TRAF3: variants seen among roughly 807,000 people sequenced by gnomAD.
TRAF3 encodes the protein TNF receptor-associated factor 3.
Under a neutral mutation model 62.3 loss-of-function variants are expected in TRAF3, and 13 were observed. The observed-to-expected ratio is 0.21, with a 90% confidence interval of 0.14 to 0.33. The LOEUF (loss-of-function observed/expected upper bound fraction) is 0.33, where lower values mean the gene tolerates loss of function less well. TRAF3 is among the 10% of genes least tolerant of loss of function. The pLI is 1.00. For missense variants in TRAF3, 440 were observed against 741.8 expected, an observed-to-expected ratio of 0.59 and a Z score of 4.73; for synonymous variants, 269 against 283.4, an observed-to-expected ratio of 0.95 and a Z score of 0.51.
At chr14:102,863,305 T>C (rs1287967308) in intron 2 of TRAF3, among the ~76,000 whole-genome samples, 1 of 152,258 alleles carries the variant, frequency 6.6e-6, no homozygotes, top group Non-Finnish European at 1.5e-5. Context: ...GTATAGTTAC[T>C]TTTCTGAGCT....
intron 1 of TRAF3, among the ~76,000 whole-genome samples, chr14:102,781,938 T>TAC (rs777647629): frequency 8.6e-5 from 13 of 151,520 alleles, no homozygotes; most frequent in Non-Finnish European, 1.8e-4. Flanking sequence ...GGACCACAGG[T>TAC]GTGTGCCAAC....
intron 2 of TRAF3, among the ~76,000 whole-genome samples, chr14:102,843,345 A>G (rs1032897486): frequency 3.9e-5 from 6 of 152,000 alleles, no homozygotes; most frequent in Non-Finnish European, 8.8e-5. Flanking sequence ...TTTTATTTAT[A>G]TATATTTTGG....
At position 102,826,465 on chromosome 14, in the gene TRAF3, G is replaced by A. The variant is rs1254211940; in HGVS notation, c.-156-3869G>A. ...GCATGGGAGCTGCTGGAGGTCGGGG[G>A]AGCTCAGGGAAAGGGCCTTGCTGCC... On this transcript the variant is annotated intron_variant, in intron 1 of 11. Transcript: ENST00000392745. This position sits in a 1 kb window ranked among gnomAD's most constrained non-coding sequence, Gnocchi z 4.6. 2.6e-5 allele frequency among the ~76,000 whole-genome samples: 4 copies of A among 152,200 alleles called. No homozygotes were observed. Among genetic ancestry groups the A allele is most frequent in the Non-Finnish European group, 5.9e-5 (4 of 68,034 alleles).
chr14:102,880,491 T>C (rs7143563), intron 6 of TRAF3, among the ~76,000 whole-genome samples: 64,489 of 152,126 alleles, frequency 0.42, 18,833 homozygotes, highest in African/African-American at 0.83. Context: ...GAAAAAGGAA[T>C]GCTTTTACAC....
At chr14:102,810,670 A>G (rs1462304926) in intron 1 of TRAF3, 1 of 152,196 alleles carries the variant, frequency 6.6e-6, no homozygotes, top group African/African-American at 2.4e-5. Context: ...TCAGCAGCTG[A>G]CATCTGTGAA....
At chr14:102,786,260 C>T (rs1478058661) in intron 1 of TRAF3, among the ~76,000 whole-genome samples, 4 of 152,210 alleles carry the variant, frequency 2.6e-5, no homozygotes, top group Non-Finnish European at 5.9e-5. Flanking sequence ...AATTCTCCCT[C>T]TGGAGATGGA....
At chr14:102,788,879 G>C (rs1029819415) in intron 1 of TRAF3, among the ~76,000 whole-genome samples, 1 of 152,192 alleles carries the variant, frequency 6.6e-6, no homozygotes, top group South Asian at 2.1e-4. Flanking sequence ...GCTGAGGCAG[G>C]AGGATCGCTT....
chr14:102,890,810 A>G (rs1889666458), intron 8 of TRAF3, among the ~76,000 whole-genome samples: 1 of 152,234 alleles, frequency 6.6e-6, no homozygotes, highest in Non-Finnish European at 1.5e-5. Context: ...AGAGCAATAC[A>G]TCTTTGGATA....
chr14:102,785,615 C>T (rs1897458828), intron 1 of TRAF3, among the ~76,000 whole-genome samples: 1 of 152,128 alleles, frequency 6.6e-6, no homozygotes, highest in Non-Finnish European at 1.5e-5. Context: ...CTGCAGATTG[C>T]CTGTGGAAAT....
intron 1 of TRAF3, among the ~76,000 whole-genome samples, chr14:102,818,751 G>T (rs1389975388): frequency 2.0e-5 from 3 of 152,056 alleles, no homozygotes; most frequent in Non-Finnish European, 4.4e-5. Context: ...ATGCCCTCCA[G>T]GCTCTTCTGT....
At chr14:102,880,472 G>A (rs1386310430) in intron 6 of TRAF3, among the ~76,000 whole-genome samples, 1 of 152,230 alleles carries the variant, frequency 6.6e-6, no homozygotes, top group Non-Finnish European at 1.5e-5. Context: ...ATGCTGGCAA[G>A]GTTGCAGAGA....
chr14:102,840,449 C>T (rs539022994), intron 2 of TRAF3, among the ~76,000 whole-genome samples: 1 of 151,928 alleles, frequency 6.6e-6, no homozygotes, highest in South Asian at 2.1e-4. Flanking sequence ...CCATACTGAT[C>T]TCAAACTCTG....
chr14:102,873,591 GAA>G (rs1420586954), intron 4 of TRAF3, among the ~76,000 whole-genome samples: 1 of 152,216 alleles, frequency 6.6e-6, no homozygotes, highest in Non-Finnish European at 1.5e-5. Flanking sequence ...CTCATGGAGA[GAA>G]TGGAGCTGTC....
chr14:102,851,079 T>A (rs1490123421), intron 2 of TRAF3, among the ~76,000 whole-genome samples: 4 of 152,198 alleles, frequency 2.6e-5, no homozygotes, highest in African/African-American at 9.6e-5. Context: ...TGCCAAACAT[T>A]AATTGGCAAG....
Position 102,826,749 on chromosome 14 carries a change from G to A in TRAF3, c.-156-3585G>A, listed in dbSNP as rs1319467557. Reference sequence around the variant, plus strand: ...AGGGTCCGGCTGGGCTCTGGACATAGGGTGGAAGAAAACCATCTGAGCAGA... The same window carrying A: ...AGGGTCCGGCTGGGCTCTGGACATAAGGTGGAAGAAAACCATCTGAGCAGA... On this transcript the variant is annotated intron_variant, in intron 1 of 11. Transcript: ENST00000392745. This position sits in a 1 kb window ranked among gnomAD's most constrained non-coding sequence, Gnocchi z 4.6. 2.0e-5 allele frequency among the ~76,000 whole-genome samples: 3 copies of A among 152,172 alleles called. No individual in the cohort carries two copies. Among genetic ancestry groups the A allele is most frequent in the Admixed American group, 1.3e-4 (2 of 15,278 alleles).
chr14:102,891,275 T>C, intron 8 of TRAF3, 50 bp from the exon 9 acceptor site: 3 of 1,566,972 alleles, frequency 1.9e-6, no homozygotes, highest in East Asian at 2.3e-5. Flanking sequence ...CGTTCTGCCC[T>C]TTGAAATGCA....
At chr14:102,813,279 T>G (rs999425454) in intron 1 of TRAF3, among the ~76,000 whole-genome samples, 3 of 151,564 alleles carry the variant, frequency 2.0e-5, no homozygotes, top group Admixed American at 2.0e-4. Context: ...CTGGCCTGTA[T>G]TTTTGATAAT....
chr14:102,881,160 G>A (rs1439520575), intron 6 of TRAF3, among the ~76,000 whole-genome samples: 4 of 152,100 alleles, frequency 2.6e-5, no homozygotes, highest in Non-Finnish European at 5.9e-5. Context: ...AAAGCGGGTG[G>A]ATCACCTGAG....
At chr14:102,896,799 C>G (rs1890029626) in intron 9 of TRAF3, among the ~76,000 whole-genome samples, 1 of 152,232 alleles carries the variant, frequency 6.6e-6, no homozygotes, top group African/African-American at 2.4e-5. Flanking sequence ...TATGGTGACT[C>G]ACACCTCTAA....
Sources: gnomAD v4.1 joint callset for allele counts (sites outside exome capture counted in the v4.1 genomes callset) on GRCh38, gnomAD v4.1.1 for gene constraint, Gnocchi (gnomAD v3.1) non-coding constraint, MANE v1.5 for transcripts, NCBI Gene and HGNC (gene_info 2026-07-23, HGNC 2026-07-21) for gene names.